The following CAMTA1 variants were observed in gnomAD, a reference collection of about 807,000 sequenced individuals.
CAMTA1 encodes the protein calmodulin-binding transcription activator 1.
A neutral mutation model predicts 170.9 loss-of-function variants in CAMTA1; 27 were observed. The observed-to-expected ratio is 0.16, with a 90% CI of 0.12 to 0.22. The LOEUF (loss-of-function observed/expected upper bound fraction) is 0.22, where lower values mean the gene tolerates loss of function less well. CAMTA1 is among the 10% of genes least tolerant of loss of function. The probability of loss-of-function intolerance (pLI) is 1.00; values close to 1 mark genes in which losing one functional copy is unlikely to be tolerated. For missense variants in CAMTA1, 1,619 were observed against 2,217.2 expected, an observed-to-expected ratio of 0.73 and a Z score of 5.42; for synonymous variants, 833 against 891.5, an observed-to-expected ratio of 0.93 and a Z score of 1.17.
chr1:7,485,610 C>G (rs2093607357), intron 6 of CAMTA1, among the ~76,000 whole-genome samples: 1 of 152,212 alleles, frequency 6.6e-6, no homozygotes, highest in African/African-American at 2.4e-5. Context: ...CCCTGCCAGG[C>G]TCTGGGCCCC....
At position 7,633,915 on chromosome 1, in the gene CAMTA1, C is replaced by G. The variant is rs74053123; in HGVS notation, c.511-6485C>G. ...GTTTCCACAAGAAAGTGACCTGGGA[C>G]CAATGTGGCATGGAGCGTGGCAGCC... On this transcript the variant is annotated intron_variant, in intron 6 of 22. Transcript: ENST00000303635. The surrounding 1 kb of genome is among the most constrained non-coding windows in gnomAD (Gnocchi z 4.1). Among the ~76,000 whole-genome samples the G allele has an allele frequency of 0.019, 2,821 of 152,310 alleles. 77 individuals carry two copies. Among genetic ancestry groups the G allele is most frequent in the African/African-American group, 0.064 (2,676 of 41,550 alleles).
At position 6,914,751 on chromosome 1, in the gene CAMTA1, T is replaced by C. The variant is rs1249800076; in HGVS notation, c.234+89541T>C. Among the ~76,000 whole-genome samples, 7 of 152,234 alleles carry C rather than the reference T, an allele frequency of 4.6e-5. No individual in the cohort carries two copies. In the East Asian group the frequency reaches 1.3e-3, roughly 29 times the overall value. ...CCAGGGGCTTTTAGTTTAGCTGGGCTGAGGCGCTCATGTGGCCAGGGAGAT... is the reference window on the plus strand; with the variant it reads ...CCAGGGGCTTTTAGTTTAGCTGGGCCGAGGCGCTCATGTGGCCAGGGAGAT... On this transcript the variant is annotated intron_variant, in intron 3 of 22. Coordinates refer to ENST00000303635, the MANE Select transcript of CAMTA1 (RefSeq NM_015215.4).
In CAMTA1 at chr1:7,738,396, A is replaced by G. The variant is rs567117012; in HGVS notation, c.4096A>G (p.Asn1366Asp). Residue 1366 changes from asparagine (N) to aspartate (D), a missense_variant, in exon 16 of 23, where the codon AAC becomes GAC. Around this residue, in one of 8 missense-constraint regions of CAMTA1, gnomAD observed 370 missense variants for 429.4 expected, o/e 0.86. Coordinates refer to ENST00000303635, the MANE Select transcript of CAMTA1 (RefSeq NM_015215.4). The surrounding 1 kb of genome is among the most constrained non-coding windows in gnomAD (Gnocchi z 4.9). ...ACCAATGAGTGTCCTGATGATGGCT[A>G]ACAGAGAGGTGGTGAATACAGAGCT... ...REPMSVLMMANREVVNTELGS... is the reference protein window; with the variant it reads ...REPMSVLMMADREVVNTELGS... 2 of 1,614,194 alleles carry G rather than the reference A, an allele frequency of 1.2e-6. No individual in the cohort carries two copies. Among genetic ancestry groups the G allele is most frequent in the Admixed American group, 1.7e-5 (1 of 60,034 alleles).
intron 5 of CAMTA1, among the ~76,000 whole-genome samples, chr1:7,257,781 C>T (rs1183319351): frequency 3.3e-5 from 5 of 152,114 alleles, no homozygotes; most frequent in African/African-American, 4.8e-5. Flanking sequence ...TCACAGTTTG[C>T]TGGGCATCAT....
At chr1:7,004,193 A>G (rs1165294039) in intron 3 of CAMTA1, among the ~76,000 whole-genome samples, 1 of 152,244 alleles carries the variant, frequency 6.6e-6, no homozygotes, top group Non-Finnish European at 1.5e-5. Context: ...TGTCTATTTG[A>G]AGAGAGAATA....
intron 1 of CAMTA1, among the ~76,000 whole-genome samples, chr1:6,812,492 TATC>T (rs1645293010): frequency 6.6e-6 from 1 of 152,260 alleles, no homozygotes; most frequent in African/African-American, 2.4e-5. Flanking sequence ...TAAACAAAAT[TATC>T]ATTAGTATGG....
Position 7,272,692 on chromosome 1 carries a change from C to CAAAAAAAAAAAAAAAAAAAA in CAMTA1, c.438+23071_438+23090dup, listed in dbSNP as rs371588178. The stretch of plus-strand genomic sequence containing the variant: ...TCTGGGGCAACTGGATAAACACATG[C>CAAAAAAAAAAAAAAAAAAAA]AAAAAAAAAAAAAAAAAAAAAAAAG... On this transcript the variant is annotated intron_variant, in intron 5 of 22. Coordinates refer to ENST00000303635, the MANE Select transcript of CAMTA1 (RefSeq NM_015215.4). Among the ~76,000 whole-genome samples, 114 of 38,812 alleles carry CAAAAAAAAAAAAAAAAAAAA rather than the reference C, an allele frequency of 2.9e-3. 4 individuals are homozygous for CAAAAAAAAAAAAAAAAAAAA. The highest frequency in any genetic ancestry group is 3.3e-3 in the Non-Finnish European group (72 of 21,694). 25.5% of individuals were successfully genotyped at this position (38,812 alleles called of 152,430 possible).
At chr1:6,937,700 C>A (rs1338893170) in intron 3 of CAMTA1, among the ~76,000 whole-genome samples, 6 of 150,654 alleles carry the variant, frequency 4.0e-5, no homozygotes, top group Non-Finnish European at 8.9e-5. Flanking sequence ...CACCATTCAC[C>A]ACTTACCACC....
Position 7,173,445 on chromosome 1 carries a change from C to G in CAMTA1, c.303-76046C>G, listed in dbSNP as rs1257131999. Among the ~76,000 whole-genome samples the G allele has an allele frequency of 2.0e-5, 3 of 152,028 alleles. No individual in the cohort carries two copies. Among genetic ancestry groups the G allele is most frequent in the African/African-American group, 7.2e-5 (3 of 41,382 alleles). Reference sequence around the variant, plus strand: ...TCTAGTCATCCAGGCTGGAGTATAACAGTGTGATCTTGGCTCACTGCAACC... The same window carrying G: ...TCTAGTCATCCAGGCTGGAGTATAAGAGTGTGATCTTGGCTCACTGCAACC... On this transcript the variant is annotated intron_variant, in intron 4 of 22. Transcript: ENST00000303635. The surrounding 1 kb of genome is among the most constrained non-coding windows in gnomAD (Gnocchi z 5.4).
At chr1:7,042,748 A>C (rs959852082) in intron 3 of CAMTA1, among the ~76,000 whole-genome samples, 12 of 152,168 alleles carry the variant, frequency 7.9e-5, no homozygotes, top group African/African-American at 2.7e-4. Flanking sequence ...TCCTCCCTTC[A>C]GTAGGGCTGG....
intron 6 of CAMTA1, among the ~76,000 whole-genome samples, chr1:7,477,719 C>T (rs2093444332): frequency 6.6e-6 from 1 of 152,208 alleles, no homozygotes; most frequent in Non-Finnish European, 1.5e-5. Flanking sequence ...GACAGGAGGA[C>T]ATCCAGTCGG....
chr1:7,003,865 T>C (rs1698597220), intron 3 of CAMTA1, among the ~76,000 whole-genome samples: 1 of 152,026 alleles, frequency 6.6e-6, no homozygotes, highest in African/African-American at 2.4e-5. Flanking sequence ...TTGTGAGAGG[T>C]GGGTCAAGGC....
chr1:7,681,178 T>C lies in CAMTA1; in HGVS notation c.2914+3445T>C, dbSNP rs1202073984. Among the ~76,000 whole-genome samples the C allele has an allele frequency of 6.6e-6, 1 of 151,964 alleles. No homozygotes were observed. Among genetic ancestry groups the C allele is most frequent in the Admixed American group, 6.6e-5 (1 of 15,252 alleles). ...CTGCGCCCCACTGTGAGCTCCAGGG[T>C]CAAAGGCCCTGTCTGCTGGACCCCC... On this transcript the variant is annotated intron_variant, in intron 11 of 22. Transcript: ENST00000303635. This position sits in a 1 kb window ranked among gnomAD's most constrained non-coding sequence, Gnocchi z 4.6.
intron 4 of CAMTA1, among the ~76,000 whole-genome samples, chr1:7,094,093 G>A (rs1641789190): frequency 6.6e-6 from 1 of 152,182 alleles, no homozygotes; most frequent in African/African-American, 2.4e-5. Context: ...TTGGAAGGAC[G>A]AATTTCTTTC....
chr1:7,758,664 G>A (rs1029857684), intron 22 of CAMTA1, among the ~76,000 whole-genome samples: 9 of 152,214 alleles, frequency 5.9e-5, no homozygotes, highest in Middle Eastern at 3.4e-3. Context: ...GGCCGGGCGC[G>A]GTGGCTTACG....
intron 3 of CAMTA1, among the ~76,000 whole-genome samples, chr1:7,072,115 C>T (rs774559619): frequency 2.0e-5 from 3 of 152,232 alleles, no homozygotes; most frequent in Non-Finnish European, 4.4e-5. Context: ...CAATGCTGAC[C>T]TATCCCAGCT....
intron 5 of CAMTA1, among the ~76,000 whole-genome samples, chr1:7,334,231 G>A (rs2083210778): frequency 6.6e-6 from 1 of 152,110 alleles, no homozygotes; most frequent in Admixed American, 6.5e-5. Context: ...GAAAAGAAAG[G>A]GGGAAAAAAA....
chr1:7,126,872 G>A (rs1284035152), intron 4 of CAMTA1, among the ~76,000 whole-genome samples: 2 of 152,144 alleles, frequency 1.3e-5, no homozygotes, highest in East Asian at 1.9e-4. Context: ...CCGGGTTCAT[G>A]CCATTCTCCT....
chr1:7,378,533 A>T (rs2087019931), intron 5 of CAMTA1, among the ~76,000 whole-genome samples: 1 of 151,670 alleles, frequency 6.6e-6, no homozygotes, highest in Admixed American at 6.6e-5. Flanking sequence ...TGTTTCATTT[A>T]TGTGAACGTC....
Sources: allele counts gnomAD v4.1 joint callset (sites outside exome capture counted in the v4.1 genomes callset), GRCh38; gene constraint gnomAD v4.1.1; regional missense constraint gnomAD v4.1.1; non-coding constraint Gnocchi (gnomAD v3.1); transcripts MANE v1.5; gene names NCBI Gene and HGNC (gene_info 2026-07-23, HGNC 2026-07-21).